Variants in SBNO1 observed in about 807,000 individuals in gnomAD.
SBNO1 encodes strawberry notch homolog 1.
SBNO1 carries 23 observed loss-of-function variants against 173.6 expected under a neutral mutation model. That is an observed-to-expected ratio of 0.13 (90% CI 0.10 to 0.19). SBNO1 has a LOEUF of 0.19. Among genes scored for constraint, SBNO1 ranks in the 10% least tolerant of loss-of-function variants. SBNO1 has a pLI of 1.00. For missense variants in SBNO1, 1,238 were observed against 1,671.2 expected (o/e 0.74, Z 4.52); for synonymous variants, 632 against 571.5 (o/e 1.11, Z -1.51).
intron 2 of SBNO1, 65 bp downstream of exon 2, chr12:123,350,245 C>T (rs1039895133): frequency 1.3e-6 from 2 of 1,588,702 alleles, no homozygotes; most frequent in African/African-American, 2.7e-5. Context: ...CAGAGTGAGA[C>T]TATCTTAAAA....
At chr12:123,326,016 A>G (rs1454566355) in intron 14 of SBNO1, 136 bp downstream of exon 14, 3 of 576,214 alleles carry the variant, frequency 5.2e-6, no homozygotes, top group Non-Finnish European at 8.7e-6. Context: ...TTGCTTTTAT[A>G]ATTTTAAGAA....
chr12:123,350,447 A>C lies in SBNO1; in HGVS notation c.1-6T>G. Reference sequence around the variant, plus strand: ...TCTTGCCCTGGCTCCACCATCTTTAAAGGGAAATATTAAATATTAACATAA... The same window carrying C: ...TCTTGCCCTGGCTCCACCATCTTTACAGGGAAATATTAAATATTAACATAA... On this transcript the variant is annotated splice_polypyrimidine_tract_variant and splice_region_variant and intron_variant, in intron 1 of 31. Coordinates refer to ENST00000602398, the MANE Select transcript of SBNO1 (RefSeq NM_001167856.3). The C allele has an allele frequency of 6.2e-7, 1 of 1,610,782 alleles. No individual in the cohort carries two copies. The highest frequency in any genetic ancestry group is 8.5e-7 in the Non-Finnish European group (1 of 1,177,092).
At chr12:123,298,244 A>T in intron 30 of SBNO1, 73 bp from the exon 31 acceptor site, 1 of 1,400,742 alleles carries the variant, frequency 7.1e-7, no homozygotes, top group Non-Finnish European at 9.8e-7. Flanking sequence ...AAGATTTACA[A>T]GGTCAACTCA....
chr12:123,311,720 C>A (rs11832382), intron 24 of SBNO1, among the ~76,000 whole-genome samples: 1,524 of 127,230 alleles, frequency 0.012, 37 homozygotes, highest in African/African-American at 0.045. Flanking sequence ...ATCTATCTAT[C>A]TATATATATA....
intron 17 of SBNO1, 116 bp downstream of exon 17, chr12:123,321,419 A>T: frequency 1.3e-6 from 1 of 782,564 alleles, no homozygotes; most frequent in Non-Finnish European, 2.0e-6. Context: ...TCCACCAAGC[A>T]AAGATTATAA....
At position 123,336,510 on chromosome 12, in the gene SBNO1, AC is replaced by A; in HGVS notation, c.652-20del. 1.3e-6 allele frequency: 2 copies of A among 1,534,654 alleles called. No homozygotes were observed. The highest frequency in any genetic ancestry group is 1.8e-6 in the Non-Finnish European group (2 of 1,117,944). On this transcript the variant is annotated intron_variant, in intron 5 of 31. Transcript: ENST00000602398. ...GAACCTTCTGCAACACAGAAAGAGC[AC>A]AATCAATCCCAAATCCAGGGACCAG... is the stretch of plus-strand genomic sequence containing the variant.
intron 5 of SBNO1, among the ~76,000 whole-genome samples, chr12:123,339,029 GA>G: frequency 6.6e-6 from 1 of 151,812 alleles, no homozygotes; most frequent in East Asian, 1.9e-4. Context: ...GACTGAAATG[GA>G]AATGTGAGAA....
At chr12:123,357,119 G>T (rs1242231817) in intron 1 of SBNO1, among the ~76,000 whole-genome samples, 3 of 152,180 alleles carry the variant, frequency 2.0e-5, no homozygotes, top group Non-Finnish European at 4.4e-5. Context: ...CAGTTACAAA[G>T]AAGTTAGTTT....
rs768673863 is a variant in SBNO1, at chr12:123,298,140, G to A, written c.3877C>T (p.Leu1293=). The A allele has an allele frequency of 6.2e-7, 1 of 1,612,646 alleles. No homozygotes were observed. Among genetic ancestry groups the A allele is most frequent in the Non-Finnish European group, 8.5e-7 (1 of 1,179,658 alleles). ...RGNCKKASLG[L]VCEIGLRCRT... ...CAACGAAGACCTATTTCACAAACTA[G>A]CCCCAAGCTTGCTTTTTTGCAATTG... Residue 1293 remains leucine, a synonymous_variant, in exon 31 of 32, where the codon CTA becomes TTA. Transcript: ENST00000602398.
rs769357197 is a variant in SBNO1, at chr12:123,347,986, C to A, written c.237+43G>T. The A allele has an allele frequency of 5.0e-5, 64 of 1,287,274 alleles. 1 individual carries two copies. In the South Asian group the frequency reaches 7.8e-4, roughly 16 times the overall value. The allele number at this position is 1,287,274 out of a possible 1,614,324, so 79.7% of individuals were successfully genotyped here. A position where few individuals can be genotyped will look rare whatever the true frequency, so the allele number is the denominator to read the frequency against. On this transcript the variant is annotated intron_variant, in intron 3 of 31. Coordinates refer to ENST00000602398, the MANE Select transcript of SBNO1 (RefSeq NM_001167856.3). ...CCGGCCATGTTTTCTCACTACACTTCTAAACTATTTTAGAAGTAACGACGA... is the reference window on the plus strand; with the variant it reads ...CCGGCCATGTTTTCTCACTACACTTATAAACTATTTTAGAAGTAACGACGA...
At chr12:123,328,174 C>T (rs1430152266) in intron 10 of SBNO1, 147 bp from the exon 11 acceptor site, 5 of 555,796 alleles carry the variant, frequency 9.0e-6, no homozygotes, top group Non-Finnish European at 1.5e-5. Context: ...TGGGCCTTTC[C>T]CCAGTTACAT....
In SBNO1 at chr12:123,319,805, A is replaced by G. The variant is rs906353599; in HGVS notation, c.2799+95T>C. 3.1e-5 allele frequency: 32 copies of G among 1,029,284 alleles called. No homozygotes were observed. The African/African-American group carries it at 3.4e-4, about 11-fold the overall frequency. The allele number at this position is 1,029,284 out of a possible 1,614,324, so 63.8% of individuals were successfully genotyped here. A position where few individuals can be genotyped will look rare whatever the true frequency, so the allele number is the denominator to read the frequency against. The stretch of plus-strand genomic sequence containing the variant: ...TACAGAATGACAATACTCAATGGAC[A>G]TGACTTATATTAAAAGGAAAAAGAC... On this transcript the variant is annotated intron_variant, in intron 20 of 31. Transcript: ENST00000602398.
intron 13 of SBNO1, among the ~76,000 whole-genome samples, chr12:123,327,113 C>A (rs1005975269): frequency 5.9e-5 from 9 of 152,180 alleles, no homozygotes; most frequent in African/African-American, 1.9e-4. Flanking sequence ...TCAAGCGATT[C>A]TCCTGCCTCA....
At chr12:123,306,215 G>A (rs569369494) in intron 28 of SBNO1, among the ~76,000 whole-genome samples, 1 of 152,168 alleles carries the variant, frequency 6.6e-6, no homozygotes, top group South Asian at 2.1e-4. Context: ...ATACTTAGAG[G>A]ATAGTGTTTA....
rs1001075844 is a variant in SBNO1 at position 123,364,438 on chromosome 12, C to T, written c.-1+263G>A. 24 of 985,504 alleles carry T rather than the reference C, an allele frequency of 2.4e-5. No homozygotes were observed. In the African/African-American group the frequency reaches 4.0e-4, roughly 16 times the overall value. 61.0% of individuals were successfully genotyped at this position (985,504 alleles called of 1,614,324 possible). On this transcript the variant is annotated intron_variant, in intron 1 of 31. Transcript: ENST00000602398. The stretch of plus-strand genomic sequence containing the variant: ...CCCGGGACAGCGGGGCTCCCGGAGC[C>T]CGAAAGCCCCACGAGCGGCGACAGC...
At chr12:123,302,252 T>G (rs1243100159) in intron 30 of SBNO1, among the ~76,000 whole-genome samples, 1 of 132,062 alleles carries the variant, frequency 7.6e-6, no homozygotes, top group African/African-American at 2.8e-5. Flanking sequence ...TTTTTTTTGT[T>G]TTTTTTTTTT....
intron 1 of SBNO1, chr12:123,363,862 C>T (rs138900154): frequency 2.4e-4 from 239 of 985,526 alleles, no homozygotes; most frequent in African/African-American, 2.3e-3. Flanking sequence ...AGCTGGATGC[C>T]AGGGTCAGGA....
At chr12:123,307,020 TAAAAAAA>T (rs34105162) in intron 28 of SBNO1, among the ~76,000 whole-genome samples, 3 of 64,430 alleles carry the variant, frequency 4.7e-5, no homozygotes, top group Middle Eastern at 0.012. Context: ...TCAACTGCAT[TAAAAAAA>T]AAAAAAAAAA....
intron 5 of SBNO1, among the ~76,000 whole-genome samples, chr12:123,338,312 GC>G (rs1872099605): frequency 1.5e-4 from 2 of 13,782 alleles, no homozygotes; most frequent in South Asian, 2.2e-3. Context: ...CAGCACTTGG[GC>G]AAGCAGGGGT....
Sources: gnomAD v4.1 joint callset for allele counts (sites outside exome capture counted in the v4.1 genomes callset) on GRCh38, gnomAD v4.1.1 for gene constraint, MANE v1.5 for transcripts, NCBI Gene and HGNC (gene_info 2026-07-23, HGNC 2026-07-21) for gene names.